The following TRIM66 variants were observed in gnomAD, a reference collection of about 807,000 sequenced individuals.
The protein encoded by TRIM66 is tripartite motif containing 66.
In TRIM66, 99 loss-of-function variants were observed where a neutral mutation model predicts 148.2. The observed-to-expected ratio is 0.67, with a 90% CI of 0.57 to 0.79. The LOEUF is 0.79. Ranked by LOEUF, TRIM66 falls within the 30% of genes least tolerant of loss-of-function variation. TRIM66 has a pLI of 0.00. For missense variants in TRIM66, 1,666 were observed against 1,697.9 expected (o/e 0.98, Z 0.33); for synonymous variants, 616 against 635.9 (o/e 0.97, Z 0.47).
At chr11:8,620,935 A>T (rs2034150538) in intron 20 of TRIM66, 97 bp downstream of exon 20, 3 of 1,449,898 alleles carry the variant, frequency 2.1e-6, no homozygotes, top group Non-Finnish European at 2.8e-6. Context: ...GAGGGGAGTA[A>T]GCCCATCCTG....
chr11:8,622,363 C>T lies in TRIM66; in HGVS notation c.3080+453G>A, dbSNP rs867039019. The stretch of plus-strand genomic sequence containing the variant: ...CAACACACACACACACACACACACA[C>T]ACATATATATATATATATATCTCCT... On this transcript the variant is annotated intron_variant, in intron 18 of 24. Transcript: ENST00000646038. Among the ~76,000 whole-genome samples the T allele has an allele frequency of 4.2e-3, 231 of 55,348 alleles. 7 individuals carry two copies. Among genetic ancestry groups the T allele is most frequent in the Non-Finnish European group, 8.1e-3 (181 of 22,434 alleles). 36.3% of individuals were successfully genotyped at this position (55,348 alleles called of 152,430 possible).
At chr11:8,664,494 C>T (rs2038465133) in intron 6 of TRIM66, among the ~76,000 whole-genome samples, 3 of 152,066 alleles carry the variant, frequency 2.0e-5, no homozygotes, top group African/African-American at 4.8e-5. Flanking sequence ...TATAAATATC[C>T]CAATCCTCAT....
rs777038665 is a variant in TRIM66 at position 8,649,804 on chromosome 11, C to T, written c.528G>A (p.Glu176=). The change falls in exon 8 of 25, where the codon GAG becomes GAA. Residue 176 remains glutamate (E), a synonymous_variant. Coordinates refer to ENST00000646038, the MANE Select transcript of TRIM66 (RefSeq NM_001388022.1). ...CNRWLCSSCT[E]EHRHSPVPGG... ...CGGGGACAGGGCTGTGTCGGTGTTC[C>T]TCTGTGCAAGAGCTGCACAGCCAGC... is the stretch of plus-strand genomic sequence containing the variant. 2.0e-5 allele frequency: 31 copies of T among 1,551,590 alleles called. No homozygotes were observed. In the South Asian group the frequency reaches 3.6e-4, roughly 18 times the overall value.
chr11:8,682,998 C>T (rs570193399), upstream of TRIM66: 1 of 910,778 alleles, frequency 1.1e-6, no homozygotes, highest in African/African-American at 1.7e-5. Flanking sequence ...GTGTTAGGCC[C>T]GCGGTTCGGA....
chr11:8,651,020 G>A (rs562379305), intron 7 of TRIM66, among the ~76,000 whole-genome samples: 15 of 152,258 alleles, frequency 9.9e-5, no homozygotes, highest in Middle Eastern at 3.4e-3. Context: ...CATTCATTTC[G>A]TAAGCAAATA....
chr11:8,672,031 A>G lies in TRIM66; in HGVS notation c.95T>C (p.Leu32Pro), dbSNP rs550321691. The G allele has an allele frequency of 2.6e-6, 4 of 1,535,922 alleles. No homozygotes were observed. The African/African-American group carries it at 4.1e-5, about 16-fold the overall frequency. Residue 32 changes from leucine (L) to proline (P), a missense_variant, in exon 6 of 25, where the codon CTG becomes CCG. By Grantham distance (98) the Leu-to-Pro change is moderately conservative. This residue lies in a region of TRIM66 where 1,431 missense variants were observed against 1,412.4 expected (regional missense o/e 1.01). Coordinates refer to ENST00000646038, the MANE Select transcript of TRIM66 (RefSeq NM_001388022.1). The part of the protein sequence containing the change: ...PEDISGKAPV[L>P]GTGMAVDMGM... ...CATGTCCACAGCCATGCCTGTGCCC[A>G]GGACTGGGGCTTTTCCACTGATATC... is the stretch of plus-strand genomic sequence containing the variant.
At chr11:8,682,769 C>T, upstream of TRIM66, 1 of 1,613,532 alleles carries the variant, frequency 6.2e-7, no homozygotes, top group Non-Finnish European at 8.5e-7. Context: ...GCCGATACCT[C>T]GCGAGACTTG....
At chr11:8,656,599 A>G (rs1361221065) in intron 6 of TRIM66, among the ~76,000 whole-genome samples, 1 of 152,182 alleles carries the variant, frequency 6.6e-6, no homozygotes, top group Non-Finnish European at 1.5e-5. Context: ...GGTCCTTGAG[A>G]GGTGTGGGAT....
In TRIM66 at chr11:8,645,726, G is replaced by A. The variant is rs1473916533; in HGVS notation, c.1104+15C>T. ...GCTTCAAGGACAGGCTGAGGAGTTG[G>A]GAGATTCCTCTTACCAGCTCTTTGC... On this transcript the variant is annotated intron_variant, in intron 12 of 24. Coordinates refer to ENST00000646038, the MANE Select transcript of TRIM66 (RefSeq NM_001388022.1). The A allele has an allele frequency of 1.9e-6, 3 of 1,551,346 alleles. No individual in the cohort carries two copies. Among genetic ancestry groups the A allele is most frequent in the Admixed American group, 3.9e-5 (2 of 50,976 alleles).
In TRIM66 at chr11:8,648,481, T is replaced by C; in HGVS notation, c.660A>G (p.Leu220=). The C allele has an allele frequency of 1.3e-6, 2 of 1,551,748 alleles. No homozygotes were observed. The highest frequency in any genetic ancestry group is 1.7e-6 in the Non-Finnish European group (2 of 1,147,008). The change falls in exon 9 of 25, where the codon CTA becomes CTG. Residue 220 remains leucine, a synonymous_variant. Transcript: ENST00000646038. ...TGAGCATATCACATGTCTCACAGAA[T>C]AGCTTGAGTACTTCCTGTGTGTGTA... The part of the protein sequence containing the change: ...CPLHTQEVLK[L]FCETCDMLTC...
chr11:8,680,874 G>A (rs933549826), intron 1 of TRIM66: 2 of 152,228 alleles, frequency 1.3e-5, no homozygotes, highest in Non-Finnish European at 2.9e-5. Context: ...CCAAAGAGTA[G>A]GAGGAAGGCA....
rs528497444 is a variant in TRIM66 at position 8,652,915 on chromosome 11, G to A, written c.341-1012C>T. 2.0e-5 allele frequency among the ~76,000 whole-genome samples: 3 copies of A among 152,350 alleles called. No homozygotes were observed. The South Asian group carries it at 6.2e-4, about 32-fold the overall frequency. On this transcript the variant is annotated intron_variant, in intron 6 of 24. Transcript: ENST00000646038. Reference sequence around the variant, plus strand: ...CAAAATACCAGGCCTACCAGCCAATGACCTTGGGCAAAACACTTAATCTCA... The same window carrying A: ...CAAAATACCAGGCCTACCAGCCAATAACCTTGGGCAAAACACTTAATCTCA...
intron 6 of TRIM66, among the ~76,000 whole-genome samples, chr11:8,671,577 C>G (rs1342555852): frequency 6.6e-6 from 1 of 152,212 alleles, no homozygotes. Flanking sequence ...AAATCCCAAA[C>G]ATGAAAAGTT....
intron 6 of TRIM66, among the ~76,000 whole-genome samples, chr11:8,665,552 T>C (rs927369028): frequency 2.6e-5 from 4 of 152,200 alleles, no homozygotes; most frequent in Non-Finnish European, 2.9e-5. Context: ...CTCTGTACCC[T>C]AAATGCCATA....
In TRIM66 at chr11:8,622,365, C is replaced by CACACACACACACACATATATATATATAT; in HGVS notation, c.3080+450_3080+451insATATATATATATATGTGTGTGTGTGTGT. On this transcript the variant is annotated intron_variant, in intron 18 of 24. Coordinates refer to ENST00000646038, the MANE Select transcript of TRIM66 (RefSeq NM_001388022.1). ...ACACACACACACACACACACACACA[C>CACACACACACACACATATATATATATAT]ATATATATATATATATATCTCCTAC... is the stretch of plus-strand genomic sequence containing the variant. 1.4e-3 allele frequency among the ~76,000 whole-genome samples: 81 copies of CACACACACACACACATATATATATATAT among 59,568 alleles called. 1 individual carries two copies. Among genetic ancestry groups the CACACACACACACACATATATATATATAT allele is most frequent in the Middle Eastern group, 8.3e-3 (1 of 120 alleles). The allele number at this position is 59,568 out of a possible 152,430, so 39.1% of individuals were successfully genotyped here.
At chr11:8,625,308 G>C in intron 15 of TRIM66, 80 bp from the exon 16 acceptor site, 2 of 1,422,616 alleles carry the variant, frequency 1.4e-6, no homozygotes, top group South Asian at 3.0e-5. Context: ...CAACCCACAG[G>C]AACTCCCATG....
chr11:8,640,782 C>T lies in TRIM66; in HGVS notation c.1593G>A (p.Trp531Ter). The change falls in exon 14 of 25, where the codon TGG becomes TGA. Residue 531 changes from tryptophan (W) to a stop codon, truncating the protein, a stop_gained. Coordinates refer to ENST00000646038, the MANE Select transcript of TRIM66 (RefSeq NM_001388022.1). LOFTEE classifies it high-confidence loss of function. ...SPHPPKLLQPWLETQPPVEQE... is the reference protein window; with the variant it reads ...SPHPPKLLQP ...GCTCCACGGGGGGCTGGGTTTCCAG[C>T]CAGGGCTGCAGCAGCTTTGGTGGAT... 6 of 1,551,138 alleles carry T rather than the reference C, an allele frequency of 3.9e-6. No homozygotes were observed. Among genetic ancestry groups the T allele is most frequent in the Non-Finnish European group, 5.2e-6 (6 of 1,146,986 alleles).
chr11:8,633,192 C>G (rs2035572399), intron 15 of TRIM66, among the ~76,000 whole-genome samples: 1 of 152,112 alleles, frequency 6.6e-6, no homozygotes, highest in South Asian at 2.1e-4. Flanking sequence ...CATGGTGGAA[C>G]ATGCCTGTAA....
rs1555042270 is a variant in TRIM66, at chr11:8,628,636, A to AAAAAAAAAAAAGAGAGAG, written c.2311-3409_2311-3408insCTCTCTCTTTTTTTTTTT. On this transcript the variant is annotated intron_variant, in intron 15 of 24. Coordinates refer to ENST00000646038, the MANE Select transcript of TRIM66 (RefSeq NM_001388022.1). ...TCAAAAAAAAAAAAAAAAAAAAAAA[A>AAAAAAAAAAAAGAGAGAG]AGAGAGAGAATCCAGATCTTTGGTA... Among the ~76,000 whole-genome samples, 7 of 93,338 alleles carry AAAAAAAAAAAAGAGAGAG rather than the reference A, an allele frequency of 7.5e-5. 1 individual carries two copies. The highest frequency in any genetic ancestry group is 2.5e-4 in the African/African-American group (7 of 28,204). 61.2% of individuals were successfully genotyped at this position (93,338 alleles called of 152,430 possible).
Sources: gnomAD v4.1 joint callset for allele counts (sites outside exome capture counted in the v4.1 genomes callset) on GRCh38, gnomAD v4.1.1 for gene constraint, gnomAD v4.1.1 regional missense constraint, MANE v1.5 for transcripts, NCBI Gene and HGNC (gene_info 2026-07-23, HGNC 2026-07-21) for gene names.